The following GJA3 variants were observed in gnomAD, a reference collection of about 807,000 sequenced individuals.
The protein encoded by GJA3 is gap junction protein alpha 3, also known as gap junction alpha-3 protein.
For synonymous variants in GJA3, 297 were observed against 292.6 expected, an observed-to-expected ratio of 1.02 and a Z score of -0.15; for missense variants, 571 against 620.3, an observed-to-expected ratio of 0.92 and a Z score of 0.84.
At chr13:20,147,985 G>A (rs1958853292) in intron 1 of GJA3, among the ~76,000 whole-genome samples, 1 of 152,094 alleles carries the variant, frequency 6.6e-6, no homozygotes, top group Non-Finnish European at 1.5e-5. Context: ...GTGAGCAAGG[G>A]CAAGGGTGTC....
At chr13:20,149,443 C>G (rs1958863652) in intron 1 of GJA3, among the ~76,000 whole-genome samples, 1 of 151,862 alleles carries the variant, frequency 6.6e-6, no homozygotes, top group Non-Finnish European at 1.5e-5. Flanking sequence ...CATGATTGTG[C>G]CACTGCGTTC....
At position 20,142,082 on chromosome 13, in the gene GJA3, G is replaced by C. The variant is rs936228357; in HGVS notation, c.1207C>G (p.Gln403Glu). The stretch of plus-strand genomic sequence containing the variant: ...AGGGGCAAGGGCGGCTGGTGCATCT[G>C]GGCCGCGGTGGTCACGGCCTGCTCC... ...EEEQAVTTAA[Q>E]MHQPPLPLGD... The change falls in exon 2 of 2, where the codon CAG becomes GAG. Residue 403 changes from glutamine (Q) to glutamate (E), a missense_variant. Physicochemically the swap from Gln to Glu is conservative, Grantham distance 29 (BLOSUM62 2). Transcript: ENST00000241125. 3 of 1,549,274 alleles carry C rather than the reference G, an allele frequency of 1.9e-6. No individual in the cohort carries two copies. Among genetic ancestry groups the C allele is most frequent in the South Asian group, 2.4e-5 (2 of 83,962 alleles).
chr13:20,153,242 T>C (rs1484511956), intron 1 of GJA3, among the ~76,000 whole-genome samples: 2 of 152,222 alleles, frequency 1.3e-5, no homozygotes, highest in African/African-American at 2.4e-5. Context: ...TTGTACTCTA[T>C]ATGGCTGACT....
At chr13:20,144,721 C>T (rs755945325) in intron 1 of GJA3, among the ~76,000 whole-genome samples, 11 of 152,152 alleles carry the variant, frequency 7.2e-5, no homozygotes, top group Non-Finnish European at 1.2e-4. Flanking sequence ...CCCACAGACA[C>T]GGGATGAAGA....
intron 1 of GJA3, among the ~76,000 whole-genome samples, chr13:20,157,345 G>T (rs550988543): frequency 1.3e-5 from 2 of 152,276 alleles, no homozygotes; most frequent in South Asian, 4.1e-4. Flanking sequence ...TAAACACAGT[G>T]CAGTCAGTTA....
intron 1 of GJA3, among the ~76,000 whole-genome samples, chr13:20,144,358 G>A (rs955543873): frequency 3.3e-5 from 5 of 152,308 alleles, no homozygotes; most frequent in East Asian, 1.9e-4. Context: ...AACAGCACTC[G>A]TGGGTACCCA....
intron 1 of GJA3, among the ~76,000 whole-genome samples, chr13:20,159,868 T>G (rs990358825): frequency 1.3e-5 from 2 of 152,200 alleles, no homozygotes; most frequent in Non-Finnish European, 2.9e-5. Flanking sequence ...AATAAATCCC[T>G]CTTTTTTCCT....
intron 1 of GJA3, among the ~76,000 whole-genome samples, chr13:20,144,506 G>A (rs1028395920): frequency 2.6e-5 from 4 of 152,186 alleles, no homozygotes; most frequent in African/African-American, 9.7e-5. Flanking sequence ...AGCCCTACCT[G>A]CCCCAGAAGT....
At chr13:20,153,874 T>C (rs9579788) in intron 1 of GJA3, among the ~76,000 whole-genome samples, 41,030 of 151,676 alleles carry the variant, frequency 0.27, 7,000 homozygotes, top group Non-Finnish European at 0.38. Flanking sequence ...ACAGTTCAAT[T>C]ACACAGACCA....
rs538667762 is a variant in GJA3, at chr13:20,142,434, C to T, written c.855G>A (p.Val285=). 4.6e-5 allele frequency: 69 copies of T among 1,501,814 alleles called. No homozygotes were observed. The South Asian group carries it at 8.4e-4, about 18-fold the overall frequency. The allele number at this position is 1,501,814 out of a possible 1,614,324, so 93.0% of individuals were successfully genotyped here. A position where few individuals can be genotyped will look rare whatever the true frequency, so the allele number is the denominator to read the frequency against. ...CTGGTGGCGGGGCCCCGGGGTAGCC[C>T]ACGGCGCGGGCCTGTCCCAGGGGCG... ...TAAPLGQARA[V]GYPGAPPPAA... is the part of the protein sequence containing the mutation. The change falls in exon 2 of 2, where the codon GTG becomes GTA. Residue 285 remains valine, a synonymous_variant. Transcript: ENST00000241125.
At chr13:20,150,284 G>A (rs12429843) in intron 1 of GJA3, among the ~76,000 whole-genome samples, 12,141 of 151,794 alleles carry the variant, frequency 0.08, 795 homozygotes, top group African/African-American at 0.17. Context: ...GGGGTCAGGA[G>A]GAGGGTCTGC....
chr13:20,150,236 G>A lies in GJA3; in HGVS notation c.-17-6931C>T, dbSNP rs149952306. Among the ~76,000 whole-genome samples the A allele has an allele frequency of 4.7e-3, 715 of 152,320 alleles. 2 individuals carry two copies. The highest frequency in any genetic ancestry group is 0.016 in the African/African-American group (650 of 41,568). ...TGAAAGCAGTGGTGGAGACAGGAAC[G>A]AAGACAATCAGGAGGCAGCTGGCGG... On this transcript the variant is annotated intron_variant, in intron 1 of 1. Coordinates refer to ENST00000241125, the MANE Select transcript of GJA3 (RefSeq NM_021954.4).
upstream of GJA3, among the ~76,000 whole-genome samples, chr13:20,161,337 C>G (rs1415716716): frequency 2.0e-5 from 3 of 152,084 alleles, no homozygotes; most frequent in Admixed American, 6.5e-5. Flanking sequence ...CATGCCCGCG[C>G]GGGACGTGAG....
intron 1 of GJA3, among the ~76,000 whole-genome samples, chr13:20,159,853 C>T (rs1246949179): frequency 6.6e-6 from 1 of 152,140 alleles, no homozygotes. Flanking sequence ...CACTGATATT[C>T]GGAAAATAAA....
rs546636988 is a variant in GJA3 at position 20,145,556 on chromosome 13, A to G, written c.-17-2251T>C. ...CCTCTGGGCTGGGACCAGGCCCCCA[A>G]TGGCATCTATGCCCCTACCTGCCCA... On this transcript the variant is annotated intron_variant, in intron 1 of 1. Transcript: ENST00000241125. Among the ~76,000 whole-genome samples the G allele has an allele frequency of 4.4e-3, 664 of 152,256 alleles. 5 individuals carry two copies. The highest frequency in any genetic ancestry group is 0.015 in the African/African-American group (626 of 41,542).
At chr13:20,161,501 G>A (rs1958938177), upstream of GJA3, among the ~76,000 whole-genome samples, 1 of 152,094 alleles carries the variant, frequency 6.6e-6, no homozygotes, top group Admixed American at 6.5e-5. Context: ...TCGGAGGCGC[G>A]TGGGCGTCGG....
chr13:20,157,412 T>C (rs781427221), intron 1 of GJA3, among the ~76,000 whole-genome samples: 8 of 152,238 alleles, frequency 5.3e-5, no homozygotes, highest in Middle Eastern at 6.3e-3. Flanking sequence ...TTACTCATTA[T>C]CGACAGAAGA....
At chr13:20,146,021 T>A (rs1051203367) in intron 1 of GJA3, among the ~76,000 whole-genome samples, 3 of 152,238 alleles carry the variant, frequency 2.0e-5, no homozygotes, top group Non-Finnish European at 4.4e-5. Context: ...ATGGGCATCC[T>A]TTCCTGTTCC....
At chr13:20,155,012 GATTA>G (rs1440207200) in intron 1 of GJA3, among the ~76,000 whole-genome samples, 2 of 151,846 alleles carry the variant, frequency 1.3e-5, no homozygotes, top group African/African-American at 4.8e-5. Flanking sequence ...CACCACAGCC[GATTA>G]ATTTTTATTT....
Sources: allele counts gnomAD v4.1 joint callset (sites outside exome capture counted in the v4.1 genomes callset), GRCh38; gene constraint gnomAD v4.1.1; transcripts MANE v1.5; gene names NCBI Gene and HGNC (gene_info 2026-07-23, HGNC 2026-07-21).